Variants in ATXN1 observed in about 807,000 individuals in gnomAD.
The protein encoded by ATXN1 is ataxin 1.
ATXN1 carries 8 observed loss-of-function variants against 56.4 expected under a neutral mutation model. That is an observed-to-expected ratio of 0.14 (90% CI 0.08 to 0.26). The LOEUF (loss-of-function observed/expected upper bound fraction) is 0.26, where lower values mean the gene tolerates loss of function less well. Among genes scored for constraint, ATXN1 ranks in the 10% least tolerant of loss-of-function variants. The probability of loss-of-function intolerance (pLI) is 1.00; values close to 1 mark genes in which losing one functional copy is unlikely to be tolerated. For synonymous variants in ATXN1, 514 were observed against 494.6 expected (o/e 1.04, Z -0.52); for missense variants, 987 against 1,106.5 (o/e 0.89, Z 1.53).
intron 3 of ATXN1, chr6:16,615,806 G>A (rs1231047916): frequency 6.6e-5 from 10 of 151,872 alleles, no homozygotes; most frequent in Admixed American, 6.6e-4. Context: ...GGCTGAGCGG[G>A]TGGATCACTT....
intron 3 of ATXN1, among the ~76,000 whole-genome samples, chr6:16,640,453 G>A (rs781026477): frequency 2.0e-5 from 3 of 152,154 alleles, no homozygotes; most frequent in Non-Finnish European, 2.9e-5. Context: ...GGAGGCCAAG[G>A]TGGGCAGATC....
chr6:16,583,424 T>G (rs1762562066), intron 4 of ATXN1, among the ~76,000 whole-genome samples: 1 of 152,220 alleles, frequency 6.6e-6, no homozygotes, highest in South Asian at 2.1e-4. Flanking sequence ...AGCCTTCCCC[T>G]TCATGCATCT....
chr6:16,738,893 A>G (rs1327204252), intron 2 of ATXN1: 2 of 152,246 alleles, frequency 1.3e-5, no homozygotes, highest in East Asian at 1.9e-4. Flanking sequence ...AATGAAAGCT[A>G]TTCAACTTGA....
intron 4 of ATXN1, among the ~76,000 whole-genome samples, chr6:16,537,041 CT>C (rs368470065): frequency 0.031 from 4,480 of 142,908 alleles, 189 homozygotes; most frequent in African/African-American, 0.099. Flanking sequence ...AATGTAAAAT[CT>C]TTTTTTTTTT....
At chr6:16,442,637 CAG>C (rs1356344225) in intron 6 of ATXN1, among the ~76,000 whole-genome samples, 1 of 152,154 alleles carries the variant, frequency 6.6e-6, no homozygotes, top group Non-Finnish European at 1.5e-5. Flanking sequence ...CAAAATCACT[CAG>C]AGTTGGAAAC....
intron 2 of ATXN1, among the ~76,000 whole-genome samples, chr6:16,725,793 A>G (rs909257162): frequency 1.3e-5 from 2 of 152,246 alleles, no homozygotes; most frequent in Admixed American, 1.3e-4. Context: ...AGAGAAAAAA[A>G]GCATCAAAAG....
rs35884389 is a variant in ATXN1, at chr6:16,491,090, A to ATTTT, written c.-298-4985_-298-4982dup. Among the ~76,000 whole-genome samples the ATTTT allele has an allele frequency of 3.8e-3, 301 of 78,294 alleles. 1 individual carries two copies. The highest frequency in any genetic ancestry group is 7.3e-3 in the East Asian group (17 of 2,320). 51.4% of individuals were successfully genotyped at this position (78,294 alleles called of 152,430 possible). ...TGCCAGAAGTTAGACGGATCCCTGG[A>ATTTT]TTTTTTTTTTTTTTTTTTTTTTTTT... On this transcript the variant is annotated intron_variant, in intron 5 of 7. Coordinates refer to ENST00000436367, the MANE Select transcript of ATXN1 (RefSeq NM_001128164.2).
chr6:16,604,195 A>C (rs1208567424), intron 3 of ATXN1, among the ~76,000 whole-genome samples: 1 of 151,994 alleles, frequency 6.6e-6, no homozygotes, highest in Non-Finnish European at 1.5e-5. Flanking sequence ...CAATACAAAG[A>C]GATAAAGAGG....
intron 3 of ATXN1, among the ~76,000 whole-genome samples, chr6:16,596,414 G>A (rs1352601639): frequency 1.3e-5 from 2 of 152,126 alleles, no homozygotes; most frequent in Non-Finnish European, 2.9e-5. Context: ...TGGAACCTCA[G>A]GTGAAACCCC....
At chr6:16,724,905 C>A (rs1405735319) in intron 2 of ATXN1, among the ~76,000 whole-genome samples, 1 of 152,146 alleles carries the variant, frequency 6.6e-6, no homozygotes. Flanking sequence ...CTGTGAGGAT[C>A]CCGCCATGGC....
intron 3 of ATXN1, among the ~76,000 whole-genome samples, chr6:16,612,100 G>A (rs1350672962): frequency 6.6e-6 from 1 of 151,730 alleles, no homozygotes; most frequent in Non-Finnish European, 1.5e-5. Flanking sequence ...ACCTCATGAT[G>A]CGCCTGCCTC....
intron 6 of ATXN1, among the ~76,000 whole-genome samples, chr6:16,392,501 CT>C (rs71714432): frequency 0.14 from 20,624 of 146,716 alleles, 1,578 homozygotes; most frequent in African/African-American, 0.21. Context: ...CCAACCCATT[CT>C]TTTTTTTTTT....
chr6:16,383,377 A>G (rs1461474967), intron 6 of ATXN1, among the ~76,000 whole-genome samples: 2 of 152,168 alleles, frequency 1.3e-5, no homozygotes, highest in Non-Finnish European at 2.9e-5. Context: ...ATGTAGTTAT[A>G]TATTTCCTAT....
chr6:16,479,303 A>T (rs1019365729), intron 6 of ATXN1, among the ~76,000 whole-genome samples: 5 of 152,218 alleles, frequency 3.3e-5, no homozygotes, highest in Non-Finnish European at 7.4e-5. Flanking sequence ...TACTTGTCAA[A>T]AATGACTTTT....
chr6:16,309,240 A>T (rs201570398), intron 7 of ATXN1, among the ~76,000 whole-genome samples: 18 of 149,028 alleles, frequency 1.2e-4, no homozygotes, highest in Admixed American at 2.0e-4. Context: ...AAAAAAAAAA[A>T]AATAAATAAT....
intron 2 of ATXN1, among the ~76,000 whole-genome samples, chr6:16,681,483 T>C (rs1382120473): frequency 6.6e-6 from 1 of 152,196 alleles, no homozygotes; most frequent in Admixed American, 6.5e-5. Context: ...CAGAGCCAAT[T>C]AGGACGATAA....
At chr6:16,507,428 A>G (rs2113680472) in intron 5 of ATXN1, among the ~76,000 whole-genome samples, 1 of 152,336 alleles carries the variant, frequency 6.6e-6, no homozygotes, top group South Asian at 2.1e-4. Flanking sequence ...ACGCCAGACA[A>G]GTATTTTTCT....
rs200066246 is a variant in ATXN1, at chr6:16,620,279, A to ACC, written c.-488-34373_-488-34372insGG. 6.6e-3 allele frequency among the ~76,000 whole-genome samples: 999 copies of ACC among 151,810 alleles called. 7 individuals carry two copies. Among genetic ancestry groups the ACC allele is most frequent in the African/African-American group, 0.023 (968 of 41,388 alleles). ...GTCTCTCAAACACACACACACACAC[A>ACC]CACACACACACACACACACACAGAA... On this transcript the variant is annotated intron_variant, in intron 3 of 7. Coordinates refer to ENST00000436367, the MANE Select transcript of ATXN1 (RefSeq NM_001128164.2).
At chr6:16,678,828 G>C (rs1441806045) in intron 2 of ATXN1, among the ~76,000 whole-genome samples, 5 of 152,212 alleles carry the variant, frequency 3.3e-5, no homozygotes, top group Non-Finnish European at 7.3e-5. Flanking sequence ...CTGAGGTCAG[G>C]AGTTCGAGAC....
Sources: allele counts gnomAD v4.1 joint callset (sites outside exome capture counted in the v4.1 genomes callset), GRCh38; gene constraint gnomAD v4.1.1; transcripts MANE v1.5; gene names NCBI Gene and HGNC (gene_info 2026-07-23, HGNC 2026-07-21).